LAMA3: variants seen among roughly 807,000 people sequenced by gnomAD.
The protein encoded by LAMA3 is laminin subunit alpha 3.
Under a neutral mutation model 402.0 loss-of-function variants are expected in LAMA3, and 281 were observed. That is an observed-to-expected ratio of 0.70 (90% CI 0.63 to 0.77). The LOEUF (loss-of-function observed/expected upper bound fraction) is 0.77, where lower values mean the gene tolerates loss of function less well. Among genes scored for constraint, LAMA3 ranks in the 30% least tolerant of loss-of-function variants. LAMA3 has a pLI of 0.00. For missense variants in LAMA3, 3,840 were observed against 4,215.5 expected, an observed-to-expected ratio of 0.91 and a Z score of 2.47; for synonymous variants, 1,431 against 1,558.4, an observed-to-expected ratio of 0.92 and a Z score of 1.93.
At chr18:23,828,659 T>A (rs1302975727) in intron 23 of LAMA3, among the ~76,000 whole-genome samples, 2 of 152,204 alleles carry the variant, frequency 1.3e-5, no homozygotes, top group Non-Finnish European at 2.9e-5. Context: ...CAGGAAGTGA[T>A]GCTGATGACT....
intron 65 of LAMA3, 101 bp from the exon 66 acceptor site, chr18:23,932,059 A>G (rs1202040384): frequency 7.2e-7 from 1 of 1,388,350 alleles, no homozygotes; most frequent in African/African-American, 1.4e-5. Context: ...TATTTTAGAT[A>G]ACAAATATTG....
chr18:23,905,743 T>C (rs1017511513), intron 52 of LAMA3, 119 bp downstream of exon 52: 2 of 564,720 alleles, frequency 3.5e-6, no homozygotes, highest in African/African-American at 1.9e-5. Context: ...ATGCAGATGA[T>C]ACCCTTTATT....
At chr18:23,694,154 C>T (rs978514656) in intron 1 of LAMA3, among the ~76,000 whole-genome samples, 2 of 152,194 alleles carry the variant, frequency 1.3e-5, no homozygotes, top group African/African-American at 4.8e-5. Flanking sequence ...ATTGTATTCC[C>T]TCAGTGGTTT....
intron 2 of LAMA3, among the ~76,000 whole-genome samples, chr18:23,722,130 C>T (rs1273904775): frequency 6.6e-6 from 1 of 152,182 alleles, no homozygotes; most frequent in Non-Finnish European, 1.5e-5. Context: ...TCAGTAGAGA[C>T]CTAACTGTAA....
At chr18:23,909,958 C>G (rs1306015761) in intron 55 of LAMA3, among the ~76,000 whole-genome samples, 1 of 152,200 alleles carries the variant, frequency 6.6e-6, no homozygotes, top group Non-Finnish European at 1.5e-5. Context: ...ACCAGGCTCA[C>G]TGTTACTTCT....
At chr18:23,809,344 C>A (rs1375631066) in intron 12 of LAMA3, among the ~76,000 whole-genome samples, 3 of 152,134 alleles carry the variant, frequency 2.0e-5, no homozygotes, top group Non-Finnish European at 4.4e-5. Context: ...AAGACTGAAG[C>A]CCTTTATTAG....
chr18:23,821,462 A>G (rs949105431), intron 19 of LAMA3, among the ~76,000 whole-genome samples: 2 of 152,336 alleles, frequency 1.3e-5, no homozygotes, highest in African/African-American at 4.8e-5. Context: ...AGTTGGGGGA[A>G]ATGCTAAAAG....
intron 64 of LAMA3, among the ~76,000 whole-genome samples, chr18:23,929,616 A>C (rs929637674): frequency 2.6e-5 from 4 of 151,338 alleles, no homozygotes; most frequent in Non-Finnish European, 4.4e-5. Flanking sequence ...AATATTAGGA[A>C]GGCTGCCCCT....
chr18:23,952,770 C>A (rs2082960637), intron 73 of LAMA3, among the ~76,000 whole-genome samples: 1 of 152,206 alleles, frequency 6.6e-6, no homozygotes, highest in African/African-American at 2.4e-5. Flanking sequence ...ATGATAATTT[C>A]TTCTTCACAG....
intron 2 of LAMA3, among the ~76,000 whole-genome samples, chr18:23,719,407 A>C (rs2061169689): frequency 6.6e-6 from 1 of 152,264 alleles, no homozygotes; most frequent in African/African-American, 2.4e-5. Flanking sequence ...ACACAGGCAA[A>C]TACTATGAAA....
intron 7 of LAMA3, among the ~76,000 whole-genome samples, chr18:23,758,716 A>G (rs1259747036): frequency 6.6e-6 from 1 of 152,260 alleles, no homozygotes; most frequent in Non-Finnish European, 1.5e-5. Flanking sequence ...GAAAAAGAAC[A>G]ATAATGATGA....
chr18:23,802,087 C>T (rs62094789), intron 12 of LAMA3, among the ~76,000 whole-genome samples: 7,856 of 152,294 alleles, frequency 0.052, 291 homozygotes, highest in Non-Finnish European at 0.076. Context: ...CCAAAATGCT[C>T]CCGCATCCAG....
At chr18:23,947,219 C>G (rs985968156) in intron 70 of LAMA3, among the ~76,000 whole-genome samples, 6 of 152,120 alleles carry the variant, frequency 3.9e-5, no homozygotes, top group African/African-American at 1.4e-4. Context: ...TCTCCTACCC[C>G]CTGCCACAGC....
rs770978815 is a variant in LAMA3 at position 23,826,787 on chromosome 18, C to A, written c.2657C>A (p.Pro886His). Residue 886 changes from proline (P) to histidine (H), a missense_variant, in exon 22 of 75, where the codon CCT (proline) becomes CAT (histidine). Pro to His is a moderately conservative substitution (Grantham distance 77). Transcript: ENST00000313654. Reference sequence around the variant, plus strand: ...ACAGAACCATGTGCCTACGCAGGACCTCCCCAAGAAAAGTCAGTGTGGGGC... The same window carrying A: ...ACAGAACCATGTGCCTACGCAGGACATCCCCAAGAAAAGTCAGTGTGGGGC... ...PVTEPCAYAG[P>H]PQENCLLYQH... is the part of the protein sequence containing the mutation. The A allele has an allele frequency of 7.0e-6, 11 of 1,560,334 alleles. No homozygotes were observed. In the Admixed American group the frequency reaches 1.7e-4, roughly 25 times the overall value.
In LAMA3 at chr18:23,777,726, G is replaced by A. The variant is rs114487757; in HGVS notation, c.1468+107G>A. The A allele has an allele frequency of 1.1e-3, 922 of 863,764 alleles. 6 individuals are homozygous for A. The African/African-American group carries it at 0.013, about 12-fold the overall frequency. The allele number at this position is 863,764 out of a possible 1,614,324, so 53.5% of individuals were successfully genotyped here. On this transcript the variant is annotated intron_variant, in intron 11 of 74. Coordinates refer to ENST00000313654, the MANE Select transcript of LAMA3 (RefSeq NM_198129.4). ...ATCCAAGGCCAAGTCTCCCTTCCTA[G>A]AGCATGGTAGGTGCCTTGCAGGTGT...
Position 23,749,493 on chromosome 18 carries a change from G to A in LAMA3, c.631G>A (p.Asp211Asn), listed in dbSNP as rs577706490. The change falls in exon 4 of 75, where the codon GAT becomes AAT. Residue 211 changes from aspartate to asparagine, a missense_variant. Asp to Asn is a conservative substitution (Grantham distance 23, BLOSUM62 1). Transcript: ENST00000313654. ...AAATATGGCTGTCACCCGGGATGAT[G>A]ATGTACTTTGTGTTACTGAATATTC... is the stretch of plus-strand genomic sequence containing the variant. ...EANMAVTRDD[D>N]VLCVTEYSRI... The A allele has an allele frequency of 3.7e-6, 6 of 1,613,434 alleles. No individual in the cohort carries two copies. In the African/African-American group the frequency reaches 8.0e-5, roughly 22 times the overall value.
rs544409046 is a variant in LAMA3 at position 23,948,961 on chromosome 18, C to G, written c.9352-804C>G. ...AAGGCATTCATTCTAGAAGGGAGTT[C>G]AAGAGTTTTATTCGGTGAATCTCAA... On this transcript the variant is annotated intron_variant, in intron 70 of 74. Coordinates refer to ENST00000313654, the MANE Select transcript of LAMA3 (RefSeq NM_198129.4). Among the ~76,000 whole-genome samples, 5 of 152,326 alleles carry G rather than the reference C, an allele frequency of 3.3e-5. No homozygotes were observed. In the South Asian group the frequency reaches 1.0e-3, roughly 32 times the overall value.
intron 12 of LAMA3, among the ~76,000 whole-genome samples, chr18:23,792,297 A>G (rs2062674171): frequency 1.3e-5 from 2 of 152,202 alleles, no homozygotes; most frequent in South Asian, 4.1e-4. Context: ...TGGGAACTTC[A>G]AGAGCATAGC....
chr18:23,912,333 G>A (rs973106621), intron 55 of LAMA3, among the ~76,000 whole-genome samples: 1 of 151,762 alleles, frequency 6.6e-6, no homozygotes, highest in Non-Finnish European at 1.5e-5. Flanking sequence ...ATGTCTGATT[G>A]TATGCCAGGC....
Sources: allele counts gnomAD v4.1 joint callset (sites outside exome capture counted in the v4.1 genomes callset), GRCh38; gene constraint gnomAD v4.1.1; transcripts MANE v1.5; gene names NCBI Gene and HGNC (gene_info 2026-07-23, HGNC 2026-07-21).